NTM: variants seen among roughly 807,000 people sequenced by gnomAD.
NTM encodes the protein IgLON family member 2.
Under a neutral mutation model 42.1 loss-of-function variants are expected in NTM, and 13 were observed. That is an observed-to-expected ratio of 0.31 (90% CI 0.20 to 0.49). NTM has a LOEUF of 0.49. Among genes scored for constraint, NTM ranks in the 20% least tolerant of loss-of-function variants. The probability of loss-of-function intolerance (pLI) is 0.99; values close to 1 mark genes in which losing one functional copy is unlikely to be tolerated. For synonymous variants in NTM, 187 were observed against 179.2 expected (o/e 1.04, Z -0.35); for missense variants, 373 against 452.8 (o/e 0.82, Z 1.60).
chr11:132,012,927 G>A (rs182036958), intron 2 of NTM, among the ~76,000 whole-genome samples: 2 of 152,220 alleles, frequency 1.3e-5, no homozygotes, highest in African/African-American at 4.8e-5. Flanking sequence ...GAAGATTAGG[G>A]AATGTAGAGG....
chr11:132,171,248 G>A (rs781077400), intron 3 of NTM, among the ~76,000 whole-genome samples: 5 of 152,124 alleles, frequency 3.3e-5, no homozygotes, highest in African/African-American at 1.2e-4. Context: ...ACCTCTGCAC[G>A]TCCTGCCGCT....
intron 2 of NTM, among the ~76,000 whole-genome samples, chr11:131,929,093 C>T (rs968820310): frequency 4.6e-5 from 7 of 152,228 alleles, no homozygotes; most frequent in South Asian, 2.1e-4. Flanking sequence ...AGTAAGTGGC[C>T]GCACAATGCA....
intron 3 of NTM, among the ~76,000 whole-genome samples, chr11:132,170,615 G>A (rs2075983886): frequency 6.6e-6 from 1 of 152,136 alleles, no homozygotes; most frequent in Non-Finnish European, 1.5e-5. Context: ...GGTCAAAATG[G>A]CTGAATATTG....
intron 1 of NTM, among the ~76,000 whole-genome samples, chr11:131,905,568 C>T (rs890215474): frequency 6.6e-6 from 1 of 152,192 alleles, no homozygotes; most frequent in African/African-American, 2.4e-5. Context: ...TTTAATGTCA[C>T]TTCCTTAGGG....
chr11:131,664,545 T>C (rs547400430), intron 1 of NTM, among the ~76,000 whole-genome samples: 2 of 152,194 alleles, frequency 1.3e-5, no homozygotes, highest in African/African-American at 4.8e-5. Flanking sequence ...GGAAATTAAA[T>C]TCCCCCTCTC....
At chr11:132,104,937 G>GTATATATA (rs534897526) in intron 2 of NTM, among the ~76,000 whole-genome samples, 4 of 61,820 alleles carry the variant, frequency 6.5e-5, no homozygotes, top group African/African-American at 1.2e-4. Flanking sequence ...ATATACATAT[G>GTATATATA]TATATATATA....
chr11:131,379,467 C>T (rs1351865597), intron 1 of NTM, among the ~76,000 whole-genome samples: 4 of 152,178 alleles, frequency 2.6e-5, no homozygotes, highest in Non-Finnish European at 4.4e-5. Context: ...ACCAGATTGC[C>T]TTGAGCCAAA....
chr11:131,483,787 C>A (rs1355636792), intron 1 of NTM, among the ~76,000 whole-genome samples: 2 of 152,240 alleles, frequency 1.3e-5, no homozygotes, highest in Admixed American at 6.5e-5. Flanking sequence ...TTGGACCCAA[C>A]AAAAGGGCAG....
At chr11:131,660,745 G>A (rs1435744575) in intron 1 of NTM, 13 of 652,912 alleles carry the variant, frequency 2.0e-5, no homozygotes, top group African/African-American at 1.2e-4. Context: ...GGAAAATCAC[G>A]AAGGGAGACT....
chr11:131,540,062 C>A (rs907867576), intron 1 of NTM, among the ~76,000 whole-genome samples: 3 of 151,974 alleles, frequency 2.0e-5, no homozygotes, highest in African/African-American at 7.3e-5. Context: ...GCTGTGGAGT[C>A]CCTTAAAAAG....
At chr11:131,758,184 T>C (rs1364524467) in intron 1 of NTM, among the ~76,000 whole-genome samples, 1 of 152,164 alleles carries the variant, frequency 6.6e-6, no homozygotes, top group Non-Finnish European at 1.5e-5. Context: ...GTAAGCTTCA[T>C]TTAAATATAT....
chr11:131,800,799 C>T (rs1390058649), intron 1 of NTM, among the ~76,000 whole-genome samples: 8 of 152,158 alleles, frequency 5.3e-5, no homozygotes, highest in Non-Finnish European at 8.8e-5. Flanking sequence ...AAAAACTCTA[C>T]CCTAATCAAA....
intron 2 of NTM, among the ~76,000 whole-genome samples, chr11:132,102,339 A>G (rs1212954337): frequency 6.6e-6 from 1 of 152,104 alleles, no homozygotes; most frequent in East Asian, 1.9e-4. Context: ...GCAAGGCACA[A>G]CTCCTGGCTC....
intron 1 of NTM, among the ~76,000 whole-genome samples, chr11:131,544,015 G>A (rs939082993): frequency 6.6e-6 from 1 of 152,122 alleles, no homozygotes; most frequent in African/African-American, 2.4e-5. Flanking sequence ...TTGCAGAGAT[G>A]TCTTGCCTCC....
chr11:131,726,415 C>T (rs1396632468), intron 1 of NTM, among the ~76,000 whole-genome samples: 3 of 145,304 alleles, frequency 2.1e-5, no homozygotes, highest in Non-Finnish European at 4.4e-5. Flanking sequence ...GGATTGCTGC[C>T]ATCCTCTAAT....
Position 131,485,926 on chromosome 11 carries a change from A to G in NTM, c.82+115038A>G, listed in dbSNP as rs561719819. Among the ~76,000 whole-genome samples the G allele has an allele frequency of 1.6e-4, 24 of 152,298 alleles. No homozygotes were observed. The East Asian group carries it at 3.7e-3, about 23-fold the overall frequency. Reference sequence around the variant, plus strand: ...AGGGAATGCAGTCCACACTTCACCTATGATGAGCTATGTGACCTTGGGCAA... The same window carrying G: ...AGGGAATGCAGTCCACACTTCACCTGTGATGAGCTATGTGACCTTGGGCAA... On this transcript the variant is annotated intron_variant, in intron 1 of 8. Coordinates refer to ENST00000683400, the MANE Select transcript of NTM (RefSeq NM_001352005.2).
intron 3 of NTM, among the ~76,000 whole-genome samples, chr11:132,192,662 T>A (rs1366754408): frequency 6.6e-6 from 1 of 152,132 alleles, no homozygotes; most frequent in Non-Finnish European, 1.5e-5. Flanking sequence ...AATATTGACA[T>A]TGAATATAAA....
intron 2 of NTM, among the ~76,000 whole-genome samples, chr11:131,960,345 G>A (rs2062020181): frequency 6.6e-6 from 1 of 152,180 alleles, no homozygotes; most frequent in Non-Finnish European, 1.5e-5. Flanking sequence ...CTTCAGTTCT[G>A]CTAGAATAAT....
chr11:132,228,079 C>G (rs914351506), intron 4 of NTM, among the ~76,000 whole-genome samples: 2 of 152,192 alleles, frequency 1.3e-5, no homozygotes, highest in African/African-American at 4.8e-5. Flanking sequence ...GAAGCCACCC[C>G]TCTGGCCCAC....
Sources: gnomAD v4.1 joint callset for allele counts (sites outside exome capture counted in the v4.1 genomes callset) on GRCh38, gnomAD v4.1.1 for gene constraint, MANE v1.5 for transcripts, NCBI Gene and HGNC (gene_info 2026-07-23, HGNC 2026-07-21) for gene names.